The following PRKCZ variants were observed in gnomAD, a reference collection of about 807,000 sequenced individuals.
PRKCZ encodes the protein protein kinase C zeta, also known as protein kinase C zeta type.
Under a neutral mutation model 79.5 loss-of-function variants are expected in PRKCZ, and 33 were observed. That is an observed-to-expected ratio of 0.41 (90% confidence interval 0.31 to 0.55). The LOEUF is 0.55. Ranked by LOEUF, PRKCZ falls within the 20% of genes least tolerant of loss-of-function variation. The probability of loss-of-function intolerance (pLI) is 0.19; values close to 1 mark genes in which losing one functional copy is unlikely to be tolerated. For missense variants in PRKCZ, 578 were observed against 813.5 expected (o/e 0.71, Z 3.52); for synonymous variants, 342 against 320.9 (o/e 1.07, Z -0.70).
At chr1:2,169,480 C>T (rs1476453932) in intron 10 of PRKCZ, 38 bp from the exon 11 acceptor site, 18 of 1,529,472 alleles carry the variant, frequency 1.2e-5, no homozygotes, top group South Asian at 4.8e-5. Context: ...CGCCGTCTGC[C>T]GAGGTGACTG....
intron 3 of PRKCZ, 21 bp from the exon 4 acceptor site, chr1:2,059,520 C>T: frequency 1.2e-6 from 2 of 1,614,064 alleles, no homozygotes; most frequent in Non-Finnish European, 8.5e-7. Context: ...TTGACGCTGT[C>T]TCTTTCTCTC....
chr1:2,146,506 G>A (rs368697150), intron 7 of PRKCZ, among the ~76,000 whole-genome samples: 28 of 152,348 alleles, frequency 1.8e-4, no homozygotes, highest in African/African-American at 6.0e-4. Context: ...AAAGCCTGGC[G>A]AGGTGGCTGC....
At position 2,065,634 on chromosome 1, in the gene PRKCZ, G is replaced by A. The variant is rs57450250; in HGVS notation, c.334+6043G>A. 3.2e-3 allele frequency among the ~76,000 whole-genome samples: 471 copies of A among 147,676 alleles called. 1 individual carries two copies. The highest frequency in any genetic ancestry group is 8.6e-3 in the African/African-American group (341 of 39,726). On this transcript the variant is annotated intron_variant, in intron 4 of 17. Coordinates refer to ENST00000378567, the MANE Select transcript of PRKCZ (RefSeq NM_002744.6). ...GCAGAGCTTGCAGTGAGCGGAGATC[G>A]TGCCACTGCACTCCTGCCTGGGCAA...
chr1:2,079,193 C>A (rs917103752), intron 4 of PRKCZ, among the ~76,000 whole-genome samples: 1 of 152,216 alleles, frequency 6.6e-6, no homozygotes, highest in Admixed American at 6.5e-5. Context: ...AAAGGCATAT[C>A]GCACTTTTTC....
intron 4 of PRKCZ, among the ~76,000 whole-genome samples, chr1:2,131,950 T>A (rs1049629956): frequency 1.2e-4 from 19 of 152,254 alleles, no homozygotes; most frequent in African/African-American, 3.4e-4. Flanking sequence ...TAGTTGGGAC[T>A]ACAGGCGCCC....
At chr1:2,126,989 G>C (rs1433105770) in intron 4 of PRKCZ, among the ~76,000 whole-genome samples, 1 of 152,236 alleles carries the variant, frequency 6.6e-6, no homozygotes, top group African/African-American at 2.4e-5. Flanking sequence ...GTGCCTAGAC[G>C]TGAGAGGACG....
chr1:2,129,119 G>A lies in PRKCZ; in HGVS notation c.335-6143G>A, dbSNP rs566240914. On this transcript the variant is annotated intron_variant, in intron 4 of 17. Transcript: ENST00000378567. ...AGAAAGGCAGAGTGGCTGCCGGCCC[G>A]CGTGTCCAGGCCCCTTACACTGAGG... 1.1e-3 allele frequency among the ~76,000 whole-genome samples: 165 copies of A among 152,294 alleles called. 1 individual carries two copies. Among genetic ancestry groups the A allele is most frequent in the Non-Finnish European group, 2.0e-3 (137 of 68,016 alleles).
chr1:2,049,703 C>T (rs1223634242), upstream of PRKCZ: 1 of 152,608 alleles, frequency 6.6e-6, no homozygotes, highest in Non-Finnish European at 1.5e-5. Flanking sequence ...GGGAGGAGCC[C>T]AGGAGGCAGG....
chr1:2,084,081 A>T (rs548931949), intron 4 of PRKCZ, among the ~76,000 whole-genome samples: 6 of 152,146 alleles, frequency 3.9e-5, no homozygotes, highest in Admixed American at 2.6e-4. Context: ...AAAATACAAA[A>T]ATTAGCCGGG....
intron 16 of PRKCZ, chr1:2,182,616 A>T (rs1686828790): frequency 6.5e-6 from 1 of 154,812 alleles, no homozygotes; most frequent in African/African-American, 2.4e-5. Context: ...GGGGGGCTGC[A>T]TTTCTTTTCA....
chr1:2,121,448 C>T lies in PRKCZ; in HGVS notation c.335-13814C>T, dbSNP rs74046933. 2.0e-3 allele frequency among the ~76,000 whole-genome samples: 216 copies of T among 109,242 alleles called. 1 individual carries two copies. Among genetic ancestry groups the T allele is most frequent in the African/African-American group, 4.3e-3 (84 of 19,354 alleles). 71.7% of individuals were successfully genotyped at this position (109,242 alleles called of 152,430 possible). On this transcript the variant is annotated intron_variant, in intron 4 of 17. Coordinates refer to ENST00000378567, the MANE Select transcript of PRKCZ (RefSeq NM_002744.6). ...CTTTGACAGGTAGTTAGAGTCATGGCGGTAGTTAGTTAGAGTCATGGCGGT... is the reference window on the plus strand; with the variant it reads ...CTTTGACAGGTAGTTAGAGTCATGGTGGTAGTTAGTTAGAGTCATGGCGGT...
chr1:2,102,548 G>C (rs1327060922), intron 4 of PRKCZ, among the ~76,000 whole-genome samples: 2 of 151,934 alleles, frequency 1.3e-5, no homozygotes, highest in African/African-American at 4.8e-5. Context: ...TAGCCGGGAT[G>C]GTCTCGATCT....
In PRKCZ at chr1:2,125,938, A is replaced by G. The variant is rs1673791115; in HGVS notation, c.335-9324A>G. Among the ~76,000 whole-genome samples the G allele has an allele frequency of 6.6e-6, 1 of 152,144 alleles. No homozygotes were observed. The highest frequency in any genetic ancestry group is 2.4e-5 in the African/African-American group (1 of 41,434). On this transcript the variant is annotated intron_variant, in intron 4 of 17. Transcript: ENST00000378567. The surrounding 1 kb of genome is among the most constrained non-coding windows in gnomAD (Gnocchi z 4.2). ...AGCACGGTTCCTGTCCCGGGGGTCC[A>G]TATTGGCCACTGTGGGAGAGAGTCG...
chr1:2,169,704 A>C, intron 11 of PRKCZ, 100 bp downstream of exon 11: 2 of 307,028 alleles, frequency 6.5e-6, no homozygotes, highest in Non-Finnish European at 1.1e-5. Flanking sequence ...CAGAGGGATG[A>C]CGGGTGGGTG....
At chr1:2,061,938 T>C (rs1485137793) in intron 4 of PRKCZ, among the ~76,000 whole-genome samples, 1 of 152,128 alleles carries the variant, frequency 6.6e-6, no homozygotes, top group African/African-American at 2.4e-5. Flanking sequence ...TCACAGGTGT[T>C]TTTGACCTCA....
intron 4 of PRKCZ, chr1:2,133,873 C>T (rs1014740011): frequency 1.3e-5 from 2 of 152,318 alleles, no homozygotes; most frequent in Non-Finnish European, 2.9e-5. Context: ...GCAGGATGCG[C>T]CCTGTCTTCG....
intron 4 of PRKCZ, chr1:2,135,050 T>A (rs1675895271): frequency 4.2e-6 from 2 of 475,470 alleles, no homozygotes; most frequent in Admixed American, 3.8e-5. Flanking sequence ...TGGGCCTCTG[T>A]CTCCAGCCGC....
intron 10 of PRKCZ, among the ~76,000 whole-genome samples, chr1:2,158,421 C>G (rs1174715063): frequency 6.6e-6 from 1 of 152,244 alleles, no homozygotes; most frequent in Non-Finnish European, 1.5e-5. Flanking sequence ...TTCAGCGTGG[C>G]GCCCTCGCCC....
chr1:2,110,993 C>T (rs1037956819), intron 4 of PRKCZ, among the ~76,000 whole-genome samples: 1 of 152,156 alleles, frequency 6.6e-6, no homozygotes, highest in Non-Finnish European at 1.5e-5. Context: ...CCTGAGCTCC[C>T]CCACCCTACC....
Sources: gnomAD v4.1 joint callset for allele counts (sites outside exome capture counted in the v4.1 genomes callset) on GRCh38, gnomAD v4.1.1 for gene constraint, Gnocchi (gnomAD v3.1) non-coding constraint, MANE v1.5 for transcripts, NCBI Gene and HGNC (gene_info 2026-07-23, HGNC 2026-07-21) for gene names.